SLC15A3: variants seen among roughly 807,000 people sequenced by gnomAD.
SLC15A3 encodes the protein osteoclast transporter.
Under a neutral mutation model 49.2 loss-of-function variants are expected in SLC15A3, and 39 were observed. The observed-to-expected ratio is 0.79, with a 90% confidence interval of 0.61 to 1.04. The LOEUF (loss-of-function observed/expected upper bound fraction) is 1.04. Among genes scored for constraint, SLC15A3 ranks in the 50% least tolerant of loss-of-function variants. SLC15A3 has a pLI of 0.00. For missense variants in SLC15A3, 758 were observed against 794.8 expected (o/e 0.95, Z 0.56); for synonymous variants, 339 against 367.0 (o/e 0.92, Z 0.87).
intron 4 of SLC15A3, 164 bp downstream of exon 4, chr11:60,941,871 G>A: frequency 4.5e-6 from 3 of 673,466 alleles, no homozygotes; most frequent in Non-Finnish European, 7.8e-6. Flanking sequence ...CAGGATCCCT[G>A]CGCTGTGACA....
At position 60,951,266 on chromosome 11, in the gene SLC15A3, C is replaced by A; in HGVS notation, c.286G>T (p.Val96Leu). The change falls in exon 1 of 8, where the codon GTG (valine) becomes TTG (leucine). Residue 96 changes from valine to leucine, a missense_variant. By Grantham distance (32) the Val-to-Leu change is conservative. Coordinates refer to ENST00000227880, the MANE Select transcript of SLC15A3 (RefSeq NM_016582.3). Reference protein sequence around the residue: ...LAPVGGWLADVYLGRYRAVAL... With the variant: ...LAPVGGWLADLYLGRYRAVAL... ...ACCGCGCGGTAGCGGCCCAGGTACACGTCGGCCAGCCAGCCGCCCACGGGC... is the reference window on the plus strand; with the variant it reads ...ACCGCGCGGTAGCGGCCCAGGTACAAGTCGGCCAGCCAGCCGCCCACGGGC... 6.6e-7 allele frequency: 1 copy of A among 1,514,638 alleles called. No individual in the cohort carries two copies. Among genetic ancestry groups the A allele is most frequent in the Non-Finnish European group, 8.8e-7 (1 of 1,133,996 alleles). 93.8% of individuals were successfully genotyped at this position (1,514,638 alleles called of 1,614,324 possible). A position where few individuals can be genotyped will look rare whatever the true frequency, so the allele number is the denominator to read the frequency against.
At chr11:60,939,747 T>G in intron 5 of SLC15A3, 109 bp from the exon 6 acceptor site, 4 of 1,300,044 alleles carry the variant, frequency 3.1e-6, no homozygotes, top group East Asian at 2.5e-5. Context: ...AGCCAAAGAT[T>G]GAGCAGCAGG....
In SLC15A3 at chr11:60,951,182, G is replaced by A. The variant is rs1475646883; in HGVS notation, c.370C>T (p.Pro124Ser). The A allele has an allele frequency of 6.0e-6, 9 of 1,496,484 alleles. No homozygotes were observed. Among genetic ancestry groups the A allele is most frequent in the South Asian group, 2.5e-5 (2 of 79,696 alleles). The allele number at this position is 1,496,484 out of a possible 1,614,324, so 92.7% of individuals were successfully genotyped here. A position where few individuals can be genotyped will look rare whatever the true frequency, so the allele number is the denominator to read the frequency against. Residue 124 changes from proline (P) to serine (S), a missense_variant, in exon 1 of 8, where the codon CCC becomes TCC. By Grantham distance (74) the Pro-to-Ser change is moderately conservative (BLOSUM62 -1). This residue lies in a region of SLC15A3 where 699 missense variants were observed against 706.7 expected (regional missense o/e 0.99). Transcript: ENST00000227880. ...ASGLLPATAF[P>S]DGRSSFCGEM... ...CCGCAGAAGGAGCTGCGGCCGTCGG[G>A]GAAGGCGGTGGCGGGCAGCAGGCCC... is the stretch of plus-strand genomic sequence containing the variant.
In SLC15A3 at chr11:60,937,881, G is replaced by A. The variant is rs756784594; in HGVS notation, c.1580C>T (p.Pro527Leu). The change falls in exon 7 of 8, where the codon CCC becomes CTC. Residue 527 changes from proline to leucine, a missense_variant. Pro to Leu is a moderately conservative substitution (Grantham distance 98). Around this residue, in one of 3 missense-constraint regions of SLC15A3, gnomAD observed 699 missense variants for 706.7 expected, o/e 0.99. Coordinates refer to ENST00000227880, the MANE Select transcript of SLC15A3 (RefSeq NM_016582.3). ...LSLPGGWLHC[P>L]KDFGNINNCR... The stretch of plus-strand genomic sequence containing the variant: ...GGCCCCATACTCACCAAAGTCCTTG[G>A]GGCAGTGCAGCCAGCCCCCGGGCAA... 1.2e-6 allele frequency: 2 copies of A among 1,613,942 alleles called. No homozygotes were observed. Among genetic ancestry groups the A allele is most frequent in the Non-Finnish European group, 1.7e-6 (2 of 1,179,944 alleles).
chr11:60,937,591 T>C, intron 7 of SLC15A3: 1 of 733,958 alleles, frequency 1.4e-6, no homozygotes, highest in South Asian at 1.6e-5. Flanking sequence ...GCGTGAAATA[T>C]AAACACCATG....
At chr11:60,939,668 C>T in intron 5 of SLC15A3, 30 bp from the exon 6 acceptor site, 3 of 1,610,420 alleles carry the variant, frequency 1.9e-6, no homozygotes, top group Non-Finnish European at 2.5e-6. Context: ...GGATTATAGT[C>T]AGGCCCACCC....
At chr11:60,941,873 G>A (rs746842803) in intron 4 of SLC15A3, 162 bp downstream of exon 4, 13 of 679,316 alleles carry the variant, frequency 1.9e-5, no homozygotes, top group Middle Eastern at 2.8e-4. Flanking sequence ...GGATCCCTGC[G>A]CTGTGACACA....
chr11:60,938,920 C>G (rs555179173), intron 6 of SLC15A3, among the ~76,000 whole-genome samples: 5 of 152,162 alleles, frequency 3.3e-5, no homozygotes, highest in Non-Finnish European at 7.3e-5. Context: ...GCCCTGGGCC[C>G]GCAGCTGAGG....
chr11:60,950,350 T>C (rs558406388), intron 1 of SLC15A3, among the ~76,000 whole-genome samples: 1 of 152,362 alleles, frequency 6.6e-6, no homozygotes, highest in Admixed American at 6.5e-5. Context: ...CCATGTCACC[T>C]TGGGCAAGTT....
At chr11:60,945,713 A>T (rs187866742) in intron 2 of SLC15A3, among the ~76,000 whole-genome samples, 1 of 152,360 alleles carries the variant, frequency 6.6e-6, no homozygotes, top group Admixed American at 6.5e-5. Context: ...ATGCAAGGTC[A>T]TTCAGAACCT....
intron 4 of SLC15A3, 52 bp downstream of exon 4, chr11:60,941,983 G>C: frequency 6.5e-7 from 1 of 1,543,582 alleles, no homozygotes; most frequent in Non-Finnish European, 9.0e-7. Flanking sequence ...TCTTCTCAGA[G>C]GAAGCCGCTA....
chr11:60,938,187 T>C, intron 6 of SLC15A3, 162 bp from the exon 7 acceptor site: 1 of 839,132 alleles, frequency 1.2e-6, no homozygotes, highest in Non-Finnish European at 1.8e-6. Flanking sequence ...CATGCATCAA[T>C]GCCGCCTTCC....
chr11:60,939,266 C>T (rs1265328111), intron 6 of SLC15A3, among the ~76,000 whole-genome samples: 4 of 152,180 alleles, frequency 2.6e-5, no homozygotes, highest in Admixed American at 6.5e-5. Context: ...GTTTCTTGCT[C>T]GCCTCCAAAT....
intron 5 of SLC15A3, 55 bp downstream of exon 5, chr11:60,941,067 A>G: frequency 6.4e-7 from 1 of 1,553,828 alleles, no homozygotes; most frequent in Admixed American, 1.8e-5. Context: ...CCATGGTGGA[A>G]GCAGACTTCC....
intron 3 of SLC15A3, chr11:60,942,385 G>T: frequency 4.5e-6 from 2 of 448,364 alleles, no homozygotes; most frequent in South Asian, 5.0e-5. Flanking sequence ...CCAGAGCCCA[G>T]GCACAGCTGG....
At position 60,951,130 on chromosome 11, in the gene SLC15A3, G is replaced by A. The variant is rs770874406; in HGVS notation, c.422C>T (p.Pro141Leu). 6 of 1,484,564 alleles carry A rather than the reference G, an allele frequency of 4.0e-6. No individual in the cohort carries two copies. In the South Asian group the frequency reaches 7.8e-5, roughly 19 times the overall value. The allele number at this position is 1,484,564 out of a possible 1,614,324, so 92.0% of individuals were successfully genotyped here. A position where few individuals can be genotyped will look rare whatever the true frequency, so the allele number is the denominator to read the frequency against. The stretch of plus-strand genomic sequence containing the variant: ...CGGGCAGCCGGCCGAGGGGCAGGCA[G>A]GTCCCAGCGGCGACGCGGGCATCTC... The part of the protein sequence containing the change: ...CGEMPASPLG[P>L]ACPSAGCPRS... The change falls in exon 1 of 8, where the codon CCT becomes CTT. Residue 141 changes from proline to leucine, a missense_variant. Transcript: ENST00000227880.
At position 60,950,878 on chromosome 11, in the gene SLC15A3, A is replaced by C. The variant is rs1438335858; in HGVS notation, c.558+116T>G. ...CAAGGGCTAGCCCCCCTCTTCTTTC[A>C]AATCAGGAAACTAGTGCAGGCAGGG... On this transcript the variant is annotated intron_variant, in intron 1 of 7. Coordinates refer to ENST00000227880, the MANE Select transcript of SLC15A3 (RefSeq NM_016582.3). 16 of 1,133,284 alleles carry C rather than the reference A, an allele frequency of 1.4e-5. No individual in the cohort carries two copies. The Admixed American group carries it at 3.6e-4, about 25-fold the overall frequency. 70.2% of individuals were successfully genotyped at this position (1,133,284 alleles called of 1,614,324 possible).
Position 60,951,006 on chromosome 11 carries a change from G to C in SLC15A3, c.546C>G (p.Phe182Leu). The C allele has an allele frequency of 6.7e-7, 1 of 1,482,466 alleles. No homozygotes were observed. Among genetic ancestry groups the C allele is most frequent in the Non-Finnish European group, 8.9e-7 (1 of 1,123,286 alleles). 91.8% of individuals were successfully genotyped at this position (1,482,466 alleles called of 1,614,324 possible). ...TCCTGCCACTCACCTGGTCGGCACC[G>C]AAGGAGGTGAGGTTGCTCCGGACGG... ...ASSVRSNLTS[F>L]GADQVMDLGR... Residue 182 changes from phenylalanine (F) to leucine (L), a missense_variant, in exon 1 of 8, where the codon TTC (phenylalanine) becomes TTG (leucine). Coordinates refer to ENST00000227880, the MANE Select transcript of SLC15A3 (RefSeq NM_016582.3).
intron 4 of SLC15A3, 153 bp from the exon 5 acceptor site, chr11:60,941,443 G>T: frequency 2.8e-6 from 2 of 716,730 alleles, no homozygotes; most frequent in Non-Finnish European, 4.4e-6. Context: ...TGTAACCAGG[G>T]AGTGGGATTA....
Sources: allele counts gnomAD v4.1 joint callset (sites outside exome capture counted in the v4.1 genomes callset), GRCh38; gene constraint gnomAD v4.1.1; regional missense constraint gnomAD v4.1.1; transcripts MANE v1.5; gene names NCBI Gene and HGNC (gene_info 2026-07-23, HGNC 2026-07-21).